CFHR5: variants seen among roughly 807,000 people sequenced by gnomAD.
CFHR5 encodes the protein complement factor H-related protein 5.
Under a neutral mutation model 62.9 loss-of-function variants are expected in CFHR5, and 73 were observed. The ratio of observed to expected loss-of-function variants is 1.16; its 90% CI spans 0.96 to 1.41. CFHR5 has a LOEUF of 1.41. CFHR5 is among the 40% of genes most tolerant of loss of function. The probability of loss-of-function intolerance (pLI) is 0.00; values close to 1 mark genes in which losing one functional copy is unlikely to be tolerated. For synonymous variants in CFHR5, 249 were observed against 227.2 expected, an observed-to-expected ratio of 1.10 and a Z score of -0.86; for missense variants, 779 against 679.9, an observed-to-expected ratio of 1.15 and a Z score of -1.62.
chr1:196,978,059 T>C (rs1398989319), intron 1 of CFHR5, among the ~76,000 whole-genome samples: 1 of 152,124 alleles, frequency 6.6e-6, no homozygotes, highest in Non-Finnish European at 1.5e-5. Flanking sequence ...TGCCACTGAC[T>C]AGAAAAATCA....
Position 196,998,425 on chromosome 1 carries a change from A to G in CFHR5, c.1147+121A>G, listed in dbSNP as rs905537751. On this transcript the variant is annotated intron_variant, in intron 7 of 9. Coordinates refer to ENST00000256785, the MANE Select transcript of CFHR5 (RefSeq NM_030787.4). ...GGCATATAATTTCTATGCTAATAGTAAAGTAGAAACTAGTTATAATACTCT... is the reference window on the plus strand; with the variant it reads ...GGCATATAATTTCTATGCTAATAGTGAAGTAGAAACTAGTTATAATACTCT... The G allele has an allele frequency of 1.2e-5, 10 of 831,404 alleles. No homozygotes were observed. In the African/African-American group the frequency reaches 1.4e-4, roughly 11 times the overall value. The allele number at this position is 831,404 out of a possible 1,614,324, so 51.5% of individuals were successfully genotyped here.
At chr1:196,999,706 T>A (rs559188982) in intron 7 of CFHR5, among the ~76,000 whole-genome samples, 3 of 51,020 alleles carry the variant, frequency 5.9e-5, no homozygotes, top group Admixed American at 6.5e-4. Context: ...TATATATATA[T>A]ATATATATAT....
In CFHR5 at chr1:196,995,567, A is replaced by G; in HGVS notation, c.608-150A>G. 3 of 666,788 alleles carry G rather than the reference A, an allele frequency of 4.5e-6. No homozygotes were observed. In the South Asian group the frequency reaches 5.4e-5, roughly 12 times the overall value. 41.3% of individuals were successfully genotyped at this position (666,788 alleles called of 1,614,324 possible). On this transcript the variant is annotated intron_variant, in intron 4 of 9. Coordinates refer to ENST00000256785, the MANE Select transcript of CFHR5 (RefSeq NM_030787.4). ...ATATTTGAGGAAACGAATGCAGTCA[A>G]TACACTATGTACACTGCAAAAAACA...
At chr1:197,004,476 T>C (rs988682092) in intron 8 of CFHR5, among the ~76,000 whole-genome samples, 185 bp from the exon 9 acceptor site, 3 of 152,180 alleles carry the variant, frequency 2.0e-5, no homozygotes, top group Admixed American at 1.3e-4. Flanking sequence ...CGGTATTTTA[T>C]ATGAATTTCA....
intron 3 of CFHR5, 129 bp from the exon 4 acceptor site, chr1:196,993,951 T>C (rs745681860): frequency 4.1e-6 from 3 of 736,788 alleles, no homozygotes; most frequent in Admixed American, 2.6e-5. Context: ...AGTCTATATG[T>C]TTTCTCGAAG....
In CFHR5 at chr1:197,008,619, T is replaced by C. The variant is rs1477944233; in HGVS notation, c.1646T>C (p.Ile549Thr). ...TGTAAATTCCCACATAAAGCGATGA[T>C]ATCATCACCACCATTTCGAGCAATC... Reference protein sequence around the residue: ...FQCKFPHKAMISSPPFRAICQ... With the variant: ...FQCKFPHKAMTSSPPFRAICQ... Residue 549 changes from isoleucine to threonine, a missense_variant, in exon 10 of 10, where the codon ATA becomes ACA. By Grantham distance (89) the Ile-to-Thr change is moderately conservative (BLOSUM62 -1). Coordinates refer to ENST00000256785, the MANE Select transcript of CFHR5 (RefSeq NM_030787.4). 2 of 1,613,900 alleles carry C rather than the reference T, an allele frequency of 1.2e-6. No individual in the cohort carries two copies. Among genetic ancestry groups the C allele is most frequent in the East Asian group, 2.2e-5 (1 of 44,826 alleles).
chr1:196,994,206 C>T lies in CFHR5; in HGVS notation c.557C>T (p.Ser186Leu), dbSNP rs772849641. 1 of 1,613,600 alleles carries T rather than the reference C, an allele frequency of 6.2e-7. No homozygotes were observed. Among genetic ancestry groups the T allele is most frequent in the Non-Finnish European group, 8.5e-7 (1 of 1,179,704 alleles). ...AATCTTATAAGAGTTGGATCAGACT[C>T]AGTTCAATGTTACCAATTTGGGTGG... The part of the protein sequence containing the change: ...RKNLIRVGSD[S>L]VQCYQFGWSP... Residue 186 changes from serine (S) to leucine (L), a missense_variant, in exon 4 of 10, where the codon TCA becomes TTA. Transcript: ENST00000256785.
chr1:196,991,216 G>A (rs1287596610), intron 3 of CFHR5, among the ~76,000 whole-genome samples: 2 of 151,962 alleles, frequency 1.3e-5, no homozygotes, highest in African/African-American at 4.8e-5. Flanking sequence ...AGCTCCATCA[G>A]GTCATTTAAG....
At chr1:197,007,572 T>C (rs1654320467) in intron 9 of CFHR5, among the ~76,000 whole-genome samples, 1 of 150,950 alleles carries the variant, frequency 6.6e-6, no homozygotes, top group South Asian at 2.1e-4. Flanking sequence ...TACATACAAG[T>C]GTATAATTAC....
chr1:196,995,642 C>A, intron 4 of CFHR5, 75 bp from the exon 5 acceptor site: 2 of 1,346,394 alleles, frequency 1.5e-6, no homozygotes, highest in South Asian at 2.4e-5. Context: ...ATTTCTAAGT[C>A]AAAAATTTAG....
intron 3 of CFHR5, among the ~76,000 whole-genome samples, chr1:196,988,694 C>A (rs1410578453): frequency 6.6e-6 from 1 of 152,120 alleles, no homozygotes; most frequent in Non-Finnish European, 1.5e-5. Context: ...TATGTTGAAC[C>A]AGCCTTGCAT....
chr1:197,007,581 A>G (rs1654320735), intron 9 of CFHR5, among the ~76,000 whole-genome samples: 1 of 150,926 alleles, frequency 6.6e-6, no homozygotes, highest in Non-Finnish European at 1.5e-5. Flanking sequence ...GTGTATAATT[A>G]CATATACATG....
intron 8 of CFHR5, among the ~76,000 whole-genome samples, chr1:197,004,346 A>G (rs1187543486): frequency 2.0e-5 from 3 of 152,172 alleles, no homozygotes; most frequent in Non-Finnish European, 4.4e-5. Flanking sequence ...AGAAACAGTA[A>G]GAAAGTTATT....
intron 9 of CFHR5, among the ~76,000 whole-genome samples, chr1:197,007,997 A>T (rs1654336465): frequency 6.8e-6 from 1 of 147,790 alleles, no homozygotes; most frequent in South Asian, 2.1e-4. Flanking sequence ...TATATATAAG[A>T]TATATATAAA....
chr1:197,000,972 T>G (rs765076304), intron 7 of CFHR5, among the ~76,000 whole-genome samples: 1 of 152,300 alleles, frequency 6.6e-6, no homozygotes, highest in East Asian at 1.9e-4. Context: ...CTCATAGACT[T>G]TCTTCAAACT....
chr1:196,982,121 A>C (rs1434263576), intron 1 of CFHR5, among the ~76,000 whole-genome samples: 4 of 152,074 alleles, frequency 2.6e-5, no homozygotes, highest in South Asian at 2.1e-4. Context: ...TTTTTACTGC[A>C]CCAGAAAAAA....
intron 1 of CFHR5, among the ~76,000 whole-genome samples, chr1:196,980,992 T>G (rs991797075): frequency 6.6e-6 from 1 of 152,178 alleles, no homozygotes; most frequent in Non-Finnish European, 1.5e-5. Context: ...CCTCAGTATC[T>G]TCTCCAAAAC....
chr1:196,983,200 G>A (rs1653587756), intron 2 of CFHR5, 121 bp downstream of exon 2: 6 of 1,295,190 alleles, frequency 4.6e-6, no homozygotes, highest in Non-Finnish European at 6.6e-6. Flanking sequence ...GGAAAAATGG[G>A]AGATGTAGTC....
At position 196,994,223 on chromosome 1, in the gene CFHR5, T is replaced by A. The variant is rs765656585; in HGVS notation, c.574T>A (p.Phe192Ile). The change falls in exon 4 of 10, where the codon TTT becomes ATT. Residue 192 changes from phenylalanine to isoleucine, a missense_variant. Phe to Ile is a conservative substitution (Grantham distance 21, BLOSUM62 0). Coordinates refer to ENST00000256785, the MANE Select transcript of CFHR5 (RefSeq NM_030787.4). ...ATCAGACTCAGTTCAATGTTACCAA[T>A]TTGGGTGGTCACCTAACTTTCCAAC... ...VGSDSVQCYQ[F>I]GWSPNFPTCK... 3 of 1,613,710 alleles carry A rather than the reference T, an allele frequency of 1.9e-6. No individual in the cohort carries two copies. Among genetic ancestry groups the A allele is most frequent in the Non-Finnish European group, 1.7e-6 (2 of 1,179,790 alleles).
Sources: allele counts gnomAD v4.1 joint callset (sites outside exome capture counted in the v4.1 genomes callset), GRCh38; gene constraint gnomAD v4.1.1; transcripts MANE v1.5; gene names NCBI Gene and HGNC (gene_info 2026-07-23, HGNC 2026-07-21).